STARD9: variants seen among roughly 807,000 people sequenced by gnomAD.
The protein encoded by STARD9 is StAR related lipid transfer domain containing 9.
STARD9 carries 346 observed loss-of-function variants against 399.8 expected under a neutral mutation model. The observed-to-expected ratio is 0.87, with a 90% confidence interval of 0.79 to 0.95. The LOEUF (loss-of-function observed/expected upper bound fraction) is 0.95, where lower values mean the gene tolerates loss of function less well. Among genes scored for constraint, STARD9 ranks in the 40% least tolerant of loss-of-function variants. The pLI, the probability that STARD9 is intolerant of heterozygous loss-of-function variation, is 0.00. For synonymous variants in STARD9, 2,203 were observed against 2,143.5 expected, an observed-to-expected ratio of 1.03 and a Z score of -0.77; for missense variants, 5,832 against 5,667.5, an observed-to-expected ratio of 1.03 and a Z score of -0.93.
At chr15:42,626,806 C>T (rs1053236052) in intron 3 of STARD9, among the ~76,000 whole-genome samples, 8 of 151,726 alleles carry the variant, frequency 5.3e-5, no homozygotes, top group African/African-American at 1.5e-4. Context: ...GCCACCGCGC[C>T]TGGCCATCTT....
Position 42,718,317 on chromosome 15 carries a change from C to G in STARD9, c.13763-118C>G, listed in dbSNP as rs1031438680. 1.4e-5 allele frequency: 17 copies of G among 1,199,196 alleles called. 1 individual carries two copies. Among genetic ancestry groups the G allele is most frequent in the Admixed American group, 4.0e-5 (2 of 49,736 alleles). 74.3% of individuals were successfully genotyped at this position (1,199,196 alleles called of 1,614,324 possible). On this transcript the variant is annotated intron_variant, in intron 30 of 32. Coordinates refer to ENST00000290607, the MANE Select transcript of STARD9 (RefSeq NM_020759.3). ...ACTCAGGTTACCTTGATTGCTCAGC[C>G]TAGGTTGAGCTAGGTGTCAAGTGAT...
chr15:42,681,494 G>T lies in STARD9; in HGVS notation c.1947G>T (p.Gln649His), dbSNP rs929873662. ...ATGGAGAGACATCCCACAGGGCCCA[G>T]ATTCAGCAGCAGCAGAGCTACGTAG... is the stretch of plus-strand genomic sequence containing the variant. ...PRDGETSHRAQIQQQQSYVED... is the reference protein window; with the variant it reads ...PRDGETSHRAHIQQQQSYVED... Residue 649 changes from glutamine to histidine, a missense_variant, in exon 21 of 33, where the codon CAG becomes CAT. Physicochemically the swap from Gln to His is conservative, Grantham distance 24. Around this residue, in one of 2 missense-constraint regions of STARD9, gnomAD observed 5,828 missense variants for 5,651.1 expected, o/e 1.03. Transcript: ENST00000290607. 33 of 1,537,088 alleles carry T rather than the reference G, an allele frequency of 2.1e-5. No homozygotes were observed. The highest frequency in any genetic ancestry group is 2.8e-5 in the Non-Finnish European group (32 of 1,146,896).
At chr15:42,609,588 C>T (rs568397745) in intron 3 of STARD9, among the ~76,000 whole-genome samples, 19 of 151,884 alleles carry the variant, frequency 1.3e-4, no homozygotes, top group South Asian at 8.3e-4. Flanking sequence ...TACAGGCACG[C>T]GCCACCACGC....
intron 7 of STARD9, among the ~76,000 whole-genome samples, chr15:42,646,500 C>A (rs1197004441): frequency 1.3e-5 from 2 of 152,242 alleles, no homozygotes; most frequent in Non-Finnish European, 2.9e-5. Context: ...CCTCATGAAC[C>A]ACCCTCTGCC....
chr15:42,688,967 T>C lies in STARD9; in HGVS notation c.7389T>C (p.Ala2463=), dbSNP rs1406999882. Residue 2463 remains alanine, a synonymous_variant, in exon 23 of 33, where the codon GCT becomes GCC. Coordinates refer to ENST00000290607, the MANE Select transcript of STARD9 (RefSeq NM_020759.3). ...LLGFSTSEDF[A]SEAEVAVQKE... is the part of the protein sequence containing the mutation. ...GTTTCAGTACCAGTGAAGATTTTGC[T>C]TCTGAAGCCGAGGTGGCTGTACAAA... The C allele has an allele frequency of 1.3e-6, 2 of 1,537,274 alleles. No homozygotes were observed. The highest frequency in any genetic ancestry group is 1.7e-6 in the Non-Finnish European group (2 of 1,146,962).
chr15:42,576,353 C>T (rs992013382), intron 1 of STARD9, among the ~76,000 whole-genome samples: 1 of 152,154 alleles, frequency 6.6e-6, no homozygotes, highest in Non-Finnish European at 1.5e-5. Context: ...CCCGTTTTCT[C>T]GTGGCTTATT....
intron 7 of STARD9, among the ~76,000 whole-genome samples, chr15:42,640,004 C>T (rs1402439846): frequency 2.0e-5 from 3 of 152,134 alleles, no homozygotes; most frequent in African/African-American, 7.2e-5. Flanking sequence ...CTCACTGCAA[C>T]CTGAACTCCT....
chr15:42,620,544 C>T (rs1471993847), intron 3 of STARD9, among the ~76,000 whole-genome samples: 2 of 151,976 alleles, frequency 1.3e-5, no homozygotes, highest in East Asian at 1.9e-4. Context: ...AGACTTCATT[C>T]AGGATTCACT....
At chr15:42,625,275 C>T (rs911433985) in intron 3 of STARD9, among the ~76,000 whole-genome samples, 2 of 151,900 alleles carry the variant, frequency 1.3e-5, no homozygotes. Context: ...GGTCCACCCA[C>T]CTCAGCCCCC....
rs144363278 is a variant in STARD9, at chr15:42,675,942, G to A, written c.1841G>A (p.Arg614Gln). 2.9e-3 allele frequency: 4,490 copies of A among 1,536,886 alleles called. 122 individuals are homozygous for A. The African/African-American group carries it at 0.056, about 19-fold the overall frequency. The change falls in exon 20 of 33, where the codon CGG becomes CAG. Residue 614 changes from arginine to glutamine, a missense_variant. Arg to Gln is a conservative substitution (Grantham distance 43). Transcript: ENST00000290607. ...LDLDGDLAAS[R>Q]LGLSPLLWKE... is the part of the protein sequence containing the mutation. ...TTGGATGGAGATCTCGCTGCCTCCC[G>A]GCTGGGTCTCTCCCCTTTGCTTTGG...
intron 20 of STARD9, among the ~76,000 whole-genome samples, chr15:42,678,439 C>T (rs750691261): frequency 6.6e-5 from 10 of 152,134 alleles, no homozygotes; most frequent in Non-Finnish European, 1.0e-4. Context: ...CTCCTTGCAG[C>T]AGTAATCTGG....
chr15:42,691,093 T>G lies in STARD9; in HGVS notation c.9515T>G (p.Leu3172Trp). 1 of 1,537,240 alleles carries G rather than the reference T, an allele frequency of 6.5e-7. No individual in the cohort carries two copies. Among genetic ancestry groups the G allele is most frequent in the Non-Finnish European group, 8.7e-7 (1 of 1,146,904 alleles). ...TTAGAAAATACCACTAGATGTTTTT[T>G]GGAAAAGCCACAATTTTCCACTGAG... ...ECLENTTRCF[L>W]EKPQFSTELR... The change falls in exon 23 of 33, where the codon TTG becomes TGG. Residue 3172 changes from leucine to tryptophan, a missense_variant. Physicochemically the swap from Leu to Trp is moderately conservative, Grantham distance 61. Transcript: ENST00000290607.
rs909196363 is a variant in STARD9, at chr15:42,626,458, TCTCCTCTTCCTC to T, written c.235-8394_235-8383del. On this transcript the variant is annotated intron_variant, in intron 3 of 32. Transcript: ENST00000290607. ...TCTTCCTTCTCCTCCTCCTCTTCCT[TCTCCTCTTCCTC>T]CTCTTCATCCTCTTCCTCTTCCTCT... is the stretch of plus-strand genomic sequence containing the variant. Among the ~76,000 whole-genome samples, 3 of 143,042 alleles carry T rather than the reference TCTCCTCTTCCTC, an allele frequency of 2.1e-5. No homozygotes were observed. The South Asian group carries it at 6.8e-4, about 33-fold the overall frequency. 93.8% of individuals were successfully genotyped at this position (143,042 alleles called of 152,430 possible).
At chr15:42,603,389 A>G (rs1264959245) in intron 3 of STARD9, among the ~76,000 whole-genome samples, 3 of 152,170 alleles carry the variant, frequency 2.0e-5, no homozygotes, top group Non-Finnish European at 4.4e-5. Context: ...TGCTGGGATT[A>G]CAGGCATGAG....
At chr15:42,706,126 A>AT (rs1264926002) in intron 26 of STARD9, among the ~76,000 whole-genome samples, 1 of 152,204 alleles carries the variant, frequency 6.6e-6, no homozygotes, top group African/African-American at 2.4e-5. Flanking sequence ...ACTATTTTTA[A>AT]TAGGATCATG....
chr15:42,706,397 G>C (rs1404246741), intron 26 of STARD9, among the ~76,000 whole-genome samples: 1 of 150,888 alleles, frequency 6.6e-6, no homozygotes, highest in Non-Finnish European at 1.5e-5. Flanking sequence ...TTTTTTGGTT[G>C]ATTCTCTAGA....
intron 15 of STARD9, among the ~76,000 whole-genome samples, chr15:42,667,830 G>T (rs753561722): frequency 6.6e-6 from 1 of 152,138 alleles, no homozygotes; most frequent in South Asian, 2.1e-4. Flanking sequence ...CCAATATTCT[G>T]TTGCATCATC....
At chr15:42,589,280 G>A (rs2058347423) in intron 3 of STARD9, among the ~76,000 whole-genome samples, 1 of 152,164 alleles carries the variant, frequency 6.6e-6, no homozygotes, top group African/African-American at 2.4e-5. Flanking sequence ...TTGAGCTCCT[G>A]GGCTCAAGTG....
intron 3 of STARD9, among the ~76,000 whole-genome samples, chr15:42,624,473 G>T (rs1055792744): frequency 6.6e-6 from 1 of 151,622 alleles, no homozygotes; most frequent in Non-Finnish European, 1.5e-5. Flanking sequence ...GTCTGAAAGA[G>T]TAATTTCACC....
Sources: allele counts gnomAD v4.1 joint callset (sites outside exome capture counted in the v4.1 genomes callset), GRCh38; gene constraint gnomAD v4.1.1; regional missense constraint gnomAD v4.1.1; transcripts MANE v1.5; gene names NCBI Gene and HGNC (gene_info 2026-07-23, HGNC 2026-07-21).